The following DCLK1 variants were observed in gnomAD, a reference collection of about 807,000 sequenced individuals.
DCLK1 encodes the protein doublecortin like kinase 1, also known as serine/threonine-protein kinase DCLK1.
Under a neutral mutation model 86.2 loss-of-function variants are expected in DCLK1, and 16 were observed. The observed-to-expected ratio is 0.19, with a 90% CI of 0.13 to 0.28. DCLK1 has a LOEUF of 0.28. Ranked by LOEUF, DCLK1 falls within the 10% of genes least tolerant of loss-of-function variation. The pLI is 1.00. For missense variants in DCLK1, 590 were observed against 940.2 expected (o/e 0.63, Z 4.87); for synonymous variants, 369 against 370.5 (o/e 1.00, Z 0.05).
At chr13:35,938,251 G>A (rs1876876623) in intron 4 of DCLK1, among the ~76,000 whole-genome samples, 1 of 152,110 alleles carries the variant, frequency 6.6e-6, no homozygotes, top group Non-Finnish European at 1.5e-5. Flanking sequence ...AGGGCAGTGG[G>A]TGGTATTTGT....
chr13:35,966,816 C>T (rs1346838943), intron 3 of DCLK1, among the ~76,000 whole-genome samples: 2 of 152,076 alleles, frequency 1.3e-5, no homozygotes, highest in Admixed American at 6.5e-5. Context: ...CTCAATGTTG[C>T]CCAGGCTGGA....
intron 15 of DCLK1, among the ~76,000 whole-genome samples, chr13:35,797,134 G>A (rs2086828688): frequency 6.6e-6 from 1 of 152,198 alleles, no homozygotes; most frequent in African/African-American, 2.4e-5. Context: ...GTTGCACGGA[G>A]CCAACAGGGT....
In DCLK1 at chr13:36,125,982, G is replaced by C; in HGVS notation, c.156C>G (p.Ser52=). 6.2e-7 allele frequency: 1 copy of C among 1,614,050 alleles called. No homozygotes were observed. The highest frequency in any genetic ancestry group is 8.5e-7 in the Non-Finnish European group (1 of 1,180,030). The change falls in exon 2 of 17, where the codon TCC becomes TCG. Residue 52 remains serine (S), a synonymous_variant. Coordinates refer to ENST00000360631, the MANE Select transcript of DCLK1 (RefSeq NM_001330071.2). The stretch of plus-strand genomic sequence containing the variant: ...AACGAACTTTCTTGGCCTTCTTCTC[G>C]GAGCTGAGCGTCTGCAGCGTGCGGG... The part of the protein sequence containing the change: ...YRTRTLQTLS[S]EKKAKKVRFY...
intron 3 of DCLK1, among the ~76,000 whole-genome samples, chr13:36,073,607 T>C (rs1884059236): frequency 6.6e-6 from 1 of 152,102 alleles, no homozygotes; most frequent in Admixed American, 6.5e-5. Context: ...ACAAGGAAGA[T>C]GAATGGTGTC....
intron 3 of DCLK1, among the ~76,000 whole-genome samples, chr13:36,070,826 A>G (rs911084239): frequency 2.6e-5 from 4 of 152,012 alleles, no homozygotes; most frequent in African/African-American, 9.7e-5. Context: ...TATTTTTAGT[A>G]GAAACGGGGT....
chr13:35,980,695 C>T (rs1179894052), intron 3 of DCLK1, among the ~76,000 whole-genome samples: 5 of 152,224 alleles, frequency 3.3e-5, no homozygotes, highest in Middle Eastern at 3.4e-3. Context: ...ATCATTCCAC[C>T]TCAGATCATC....
chr13:36,080,349 A>T (rs1174681774), intron 3 of DCLK1, among the ~76,000 whole-genome samples: 1 of 152,208 alleles, frequency 6.6e-6, no homozygotes. Context: ...AGAGAAAAGC[A>T]AGCTGGAAAT....
chr13:35,795,211 G>A (rs1237669722), intron 15 of DCLK1, among the ~76,000 whole-genome samples: 1 of 152,202 alleles, frequency 6.6e-6, no homozygotes, highest in Non-Finnish European at 1.5e-5. Context: ...CAGGCAGAGA[G>A]GAGGTGTGGT....
intron 3 of DCLK1, among the ~76,000 whole-genome samples, chr13:36,033,356 G>T (rs75171243): frequency 0.047 from 7,184 of 152,226 alleles, 175 homozygotes; most frequent in Middle Eastern, 0.092. Context: ...AATCCATAAA[G>T]TAGTGATAAT....
chr13:35,997,402 C>T (rs1399203340), intron 3 of DCLK1, among the ~76,000 whole-genome samples: 2 of 152,218 alleles, frequency 1.3e-5, no homozygotes, highest in African/African-American at 4.8e-5. Context: ...CAAAAACTTG[C>T]TTTGGAGGCA....
At chr13:36,045,328 GTGTGTATATATATATATATATATATA>G (rs1338369120) in intron 3 of DCLK1, among the ~76,000 whole-genome samples, 28 of 45,234 alleles carry the variant, frequency 6.2e-4, no homozygotes, top group African/African-American at 2.9e-3. Context: ...ATGTGTGTGT[GTGTGTATATATATATATATATATATA>G]TATATATATA....
At chr13:35,948,734 C>T (rs909806524) in intron 3 of DCLK1, among the ~76,000 whole-genome samples, 5 of 152,050 alleles carry the variant, frequency 3.3e-5, no homozygotes, top group South Asian at 2.1e-4. Flanking sequence ...ACATTAAGCA[C>T]GAATGAGGTA....
chr13:35,883,572 C>A (rs1295866500), intron 4 of DCLK1, among the ~76,000 whole-genome samples: 1 of 152,124 alleles, frequency 6.6e-6, no homozygotes, highest in South Asian at 2.1e-4. Context: ...AATTACCCAG[C>A]CTCAAGTATT....
At chr13:36,014,430 G>A (rs1021957734) in intron 3 of DCLK1, among the ~76,000 whole-genome samples, 8 of 152,130 alleles carry the variant, frequency 5.3e-5, no homozygotes, top group East Asian at 3.9e-4. Context: ...AATTACAGCC[G>A]ATAAAAACTG....
At chr13:35,947,582 C>A (rs1277264672) in intron 3 of DCLK1, 125 bp from the exon 4 acceptor site, 5 of 618,800 alleles carry the variant, frequency 8.1e-6, no homozygotes, top group Non-Finnish European at 1.3e-5. Context: ...GCAGCTTCCA[C>A]AGAGGAATTT....
intron 4 of DCLK1, among the ~76,000 whole-genome samples, chr13:35,880,118 C>A (rs1566583033): frequency 6.6e-6 from 1 of 152,206 alleles, no homozygotes; most frequent in Admixed American, 6.5e-5. Flanking sequence ...GCAGGTCTGG[C>A]AGACATAAAC....
intron 3 of DCLK1, among the ~76,000 whole-genome samples, chr13:35,979,944 A>C (rs570483254): frequency 6.6e-6 from 1 of 152,340 alleles, no homozygotes; most frequent in Non-Finnish European, 1.5e-5. Context: ...TGTTGAAAAT[A>C]TAACAAAATC....
intron 3 of DCLK1, among the ~76,000 whole-genome samples, chr13:36,092,439 C>G (rs1256203764): frequency 6.6e-6 from 1 of 150,802 alleles, no homozygotes; most frequent in Non-Finnish European, 1.5e-5. Context: ...TAACTACTGT[C>G]TACCCTGCTG....
intron 4 of DCLK1, among the ~76,000 whole-genome samples, chr13:35,914,446 G>C (rs1718672445): frequency 6.7e-6 from 1 of 148,426 alleles, no homozygotes; most frequent in African/African-American, 2.5e-5. Flanking sequence ...GCCAGACACA[G>C]TGGCTCATGC....
Sources: allele counts gnomAD v4.1 joint callset (sites outside exome capture counted in the v4.1 genomes callset), GRCh38; gene constraint gnomAD v4.1.1; transcripts MANE v1.5; gene names NCBI Gene and HGNC (gene_info 2026-07-23, HGNC 2026-07-21).